The following ROBO2 variants were observed in gnomAD, a reference collection of about 807,000 sequenced individuals.
ROBO2 encodes roundabout homolog 2.
A neutral mutation model predicts 160.8 loss-of-function variants in ROBO2; 53 were observed. The ratio of observed to expected loss-of-function variants is 0.33; its 90% CI spans 0.26 to 0.41. ROBO2 has a LOEUF of 0.41. Ranked by LOEUF, ROBO2 falls within the 10% of genes least tolerant of loss-of-function variation. The probability of loss-of-function intolerance (pLI) is 1.00; values close to 1 mark genes in which losing one functional copy is unlikely to be tolerated. For synonymous variants in ROBO2, 664 were observed against 611.7 expected (o/e 1.09, Z -1.26); for missense variants, 1,577 against 1,722.4 (o/e 0.92, Z 1.49).
At position 76,631,146 on chromosome 3, in the gene ROBO2, G is replaced by A. The variant is rs540613446; in HGVS notation, c.110-466868G>A. Among the ~76,000 whole-genome samples the A allele has an allele frequency of 1.6e-3, 240 of 152,130 alleles. 1 individual carries two copies. The highest frequency in any genetic ancestry group is 4.4e-3 in the African/African-American group (184 of 41,506). On this transcript the variant is annotated intron_variant, in intron 2 of 26. Transcript: ENST00000487694. ...AATAAATATAATTGAGAAAAAGGCA[G>A]GCTATAGTACATTTTATGATATTTA...
chr3:77,520,946 T>C (rs2090530383), intron 5 of ROBO2, among the ~76,000 whole-genome samples: 1 of 151,350 alleles, frequency 6.6e-6, no homozygotes, highest in African/African-American at 2.4e-5. Context: ...CTCTAAACTA[T>C]ACTCAGGTAA....
chr3:76,937,893 C>A (rs9826677), intron 2 of ROBO2, among the ~76,000 whole-genome samples: 4,190 of 152,160 alleles, frequency 0.028, 169 homozygotes, highest in African/African-American at 0.096. Context: ...CATACGTATT[C>A]GGGAATATTC....
chr3:77,179,279 G>A (rs1260440160), intron 2 of ROBO2, among the ~76,000 whole-genome samples: 1 of 150,338 alleles, frequency 6.7e-6, no homozygotes, highest in South Asian at 2.1e-4. Flanking sequence ...TCGGGAGATT[G>A]AATTGCTATA....
chr3:76,671,863 T>G (rs2092274209), intron 2 of ROBO2, among the ~76,000 whole-genome samples: 1 of 152,080 alleles, frequency 6.6e-6, no homozygotes, highest in Admixed American at 6.6e-5. Flanking sequence ...ATACTATTTT[T>G]TAATCTAGAA....
chr3:77,648,465 A>T (rs1256800176), exon 26 of ROBO2: 1 of 152,218 alleles, frequency 6.6e-6, no homozygotes, highest in Non-Finnish European at 1.5e-5. Context: ...TCTTCAGCAT[A>T]TAAAAATTAA....
In ROBO2 at chr3:76,804,919, A is replaced by G. The variant is rs2064553235; in HGVS notation, c.110-293095A>G. On this transcript the variant is annotated intron_variant, in intron 2 of 26. Transcript: ENST00000487694. Reference sequence around the variant, plus strand: ...TCTATGTGTTCATAAGTAAGGTAGTATAAGGAAAAATTTTGAAGCATTCTA... The same window carrying G: ...TCTATGTGTTCATAAGTAAGGTAGTGTAAGGAAAAATTTTGAAGCATTCTA... Among the ~76,000 whole-genome samples the G allele has an allele frequency of 2.0e-5, 3 of 152,182 alleles. No homozygotes were observed. The South Asian group carries it at 6.2e-4, about 31-fold the overall frequency.
chr3:76,589,453 C>A (rs1000989039), intron 2 of ROBO2, among the ~76,000 whole-genome samples: 1 of 152,092 alleles, frequency 6.6e-6, no homozygotes, highest in African/African-American at 2.4e-5. Context: ...GGCGCCGCCA[C>A]CACGCCCGGC....
intron 2 of ROBO2, among the ~76,000 whole-genome samples, chr3:76,473,158 AT>A (rs1378524557): frequency 6.6e-6 from 1 of 152,162 alleles, no homozygotes; most frequent in Non-Finnish European, 1.5e-5. Flanking sequence ...TTTACAGTTC[AT>A]TCCAGGCTTC....
At chr3:75,992,544 G>A (rs1466667578) in intron 2 of ROBO2, among the ~76,000 whole-genome samples, 1 of 152,180 alleles carries the variant, frequency 6.6e-6, no homozygotes, top group Non-Finnish European at 1.5e-5. Flanking sequence ...CATGGGTGGG[G>A]CCCTCAGGGA....
intron 2 of ROBO2, among the ~76,000 whole-genome samples, chr3:76,284,898 G>T (rs2107681658): frequency 6.6e-6 from 1 of 152,214 alleles, no homozygotes; most frequent in East Asian, 1.9e-4. Flanking sequence ...AGCCACATCA[G>T]ATCACAATCC....
chr3:76,128,422 C>T (rs1391598702), intron 2 of ROBO2, among the ~76,000 whole-genome samples: 1 of 152,110 alleles, frequency 6.6e-6, no homozygotes, highest in Non-Finnish European at 1.5e-5. Context: ...TAATTCTTCC[C>T]TCTCAGACCA....
chr3:77,125,368 T>C (rs1327089127), intron 2 of ROBO2, among the ~76,000 whole-genome samples: 4 of 152,180 alleles, frequency 2.6e-5, no homozygotes, highest in Admixed American at 6.5e-5. Flanking sequence ...TTTCAACCTG[T>C]CCAGGACTTA....
At chr3:76,731,692 C>T (rs975952942) in intron 2 of ROBO2, among the ~76,000 whole-genome samples, 6 of 152,112 alleles carry the variant, frequency 3.9e-5, no homozygotes, top group Admixed American at 6.6e-5. Flanking sequence ...TTAAGTTTCA[C>T]CTCTCTATTA....
intron 2 of ROBO2, among the ~76,000 whole-genome samples, chr3:77,210,903 A>G (rs532914374): frequency 5.5e-4 from 84 of 152,228 alleles, no homozygotes; most frequent in African/African-American, 2.0e-3. Context: ...CCATGTCCCT[A>G]CAAAGGACAT....
intron 2 of ROBO2, among the ~76,000 whole-genome samples, chr3:76,668,346 G>A (rs2092134897): frequency 6.6e-6 from 1 of 152,172 alleles, no homozygotes; most frequent in East Asian, 1.9e-4. Flanking sequence ...GGGCTCAAGT[G>A]ATCCTCCCAC....
intron 2 of ROBO2, among the ~76,000 whole-genome samples, chr3:76,543,135 A>T (rs185479546): frequency 6.6e-6 from 1 of 152,170 alleles, no homozygotes; most frequent in South Asian, 2.1e-4. Context: ...CAAAATCTGC[A>T]TTCTAAATTT....
rs768538834 is a variant in ROBO2 at position 77,076,232 on chromosome 3, GT to G, written c.62-21781del. 1.4e-4 allele frequency among the ~76,000 whole-genome samples: 21 copies of G among 151,978 alleles called. No individual in the cohort carries two copies. The East Asian group carries it at 3.5e-3, about 25-fold the overall frequency. Reference sequence around the variant, plus strand: ...GTATATAAATTCTGTATTTTCTCCTGTATTGATGGTTATTGTCCATTTTAGT... The same window carrying G: ...GTATATAAATTCTGTATTTTCTCCTGATTGATGGTTATTGTCCATTTTAGT... On this transcript the variant is annotated intron_variant, in intron 1 of 25. Coordinates refer to ENST00000461745, the Ensembl canonical transcript of ROBO2.
chr3:77,598,207 T>C (rs546917549), intron 19 of ROBO2, among the ~76,000 whole-genome samples: 1 of 152,112 alleles, frequency 6.6e-6, no homozygotes, highest in South Asian at 2.1e-4. Flanking sequence ...CCAGATTGAC[T>C]GAGAACTGAG....
intron 2 of ROBO2, among the ~76,000 whole-genome samples, chr3:76,898,533 T>C (rs889297059): frequency 4.6e-5 from 7 of 152,110 alleles, no homozygotes; most frequent in Non-Finnish European, 7.4e-5. Context: ...TTAATAACAA[T>C]GGGTTACATG....
Sources: allele counts gnomAD v4.1 joint callset (sites outside exome capture counted in the v4.1 genomes callset), GRCh38; gene constraint gnomAD v4.1.1; transcripts MANE v1.5; gene names NCBI Gene and HGNC (gene_info 2026-07-23, HGNC 2026-07-21).